The following GRID2 variants were observed in gnomAD, a reference collection of about 807,000 sequenced individuals.
GRID2 encodes the protein glutamate ionotropic receptor delta type subunit 2.
Under a neutral mutation model 114.8 loss-of-function variants are expected in GRID2, and 33 were observed. That is an observed-to-expected ratio of 0.29 (90% CI 0.22 to 0.38). The LOEUF is 0.38. Ranked by LOEUF, GRID2 falls within the 10% of genes least tolerant of loss-of-function variation. GRID2 has a pLI of 1.00. For synonymous variants in GRID2, 505 were observed against 449.9 expected, an observed-to-expected ratio of 1.12 and a Z score of -1.55; for missense variants, 1,184 against 1,257.7, an observed-to-expected ratio of 0.94 and a Z score of 0.89.
At chr4:92,779,341 C>T (rs1409638486) in intron 2 of GRID2, among the ~76,000 whole-genome samples, 1 of 151,834 alleles carries the variant, frequency 6.6e-6, no homozygotes, top group African/African-American at 2.4e-5. Flanking sequence ...CATTACTGTT[C>T]ATTTTCATAA....
At chr4:92,833,839 A>G (rs140184015) in intron 2 of GRID2, 5 of 152,334 alleles carry the variant, frequency 3.3e-5, no homozygotes, top group African/African-American at 1.2e-4. Flanking sequence ...TGAGCCTCCT[A>G]GAATCTTCCT....
chr4:93,239,589 C>T (rs1747243938), intron 8 of GRID2, among the ~76,000 whole-genome samples: 1 of 151,380 alleles, frequency 6.6e-6, no homozygotes, highest in African/African-American at 2.4e-5. Flanking sequence ...ATGAAACTAT[C>T]TTGATGCATT....
At chr4:93,167,565 C>A (rs1738373623) in intron 4 of GRID2, among the ~76,000 whole-genome samples, 1 of 151,970 alleles carries the variant, frequency 6.6e-6, no homozygotes, top group Non-Finnish European at 1.5e-5. Context: ...CCACCACCAC[C>A]AACAGAAAAT....
chr4:93,610,838 T>C (rs987944549), intron 13 of GRID2, among the ~76,000 whole-genome samples: 1 of 128,598 alleles, frequency 7.8e-6, no homozygotes, highest in South Asian at 2.7e-4. Flanking sequence ...TAAAATGAGT[T>C]AGGGAGGATT....
intron 1 of GRID2, among the ~76,000 whole-genome samples, chr4:92,477,056 T>C: frequency 1.1e-5 from 1 of 92,014 alleles, no homozygotes; most frequent in African/African-American, 4.0e-5. Flanking sequence ...TGTGTGTGTG[T>C]GTGTGTGTGT....
chr4:93,168,217 GAAGGA>G lies in GRID2; in HGVS notation c.736-39168_736-39164del, dbSNP rs758647914. ...ACTCTATCTCAAAAGAAAGAAAAGGGAAGGAAAGGAAAGGAAAGGAAAGAAAAGGA... is the reference window on the plus strand; with the variant it reads ...ACTCTATCTCAAAAGAAAGAAAAGGGAAGGAAAGGAAAGGAAAGAAAAGGA... On this transcript the variant is annotated intron_variant, in intron 4 of 15. Transcript: ENST00000282020. Among the ~76,000 whole-genome samples the G allele has an allele frequency of 4.2e-4, 63 of 150,626 alleles. No individual in the cohort carries two copies. In the East Asian group the frequency reaches 4.9e-3, roughly 12 times the overall value.
intron 2 of GRID2, among the ~76,000 whole-genome samples, chr4:92,824,184 T>G (rs1741505796): frequency 6.6e-6 from 1 of 152,198 alleles, no homozygotes; most frequent in Non-Finnish European, 1.5e-5. Context: ...CATTTTTGCC[T>G]GCTTAGGCTG....
intron 1 of GRID2, among the ~76,000 whole-genome samples, chr4:92,465,360 G>A (rs986915137): frequency 1.3e-5 from 2 of 151,894 alleles, no homozygotes; most frequent in Non-Finnish European, 2.9e-5. Flanking sequence ...GAATTCATTA[G>A]ACACTATTTG....
At chr4:92,794,235 T>C (rs1739741828) in intron 2 of GRID2, among the ~76,000 whole-genome samples, 1 of 151,742 alleles carries the variant, frequency 6.6e-6, no homozygotes, top group African/African-American at 2.4e-5. Flanking sequence ...CCCAAACTGG[T>C]GAGATTACAG....
At chr4:92,920,461 G>T (rs1006925277) in intron 2 of GRID2, among the ~76,000 whole-genome samples, 6 of 152,102 alleles carry the variant, frequency 3.9e-5, no homozygotes, top group African/African-American at 7.2e-5. Context: ...TTTACAATTT[G>T]GCATGTTTTT....
intron 2 of GRID2, among the ~76,000 whole-genome samples, chr4:92,788,646 A>G (rs953690572): frequency 6.6e-6 from 1 of 151,894 alleles, no homozygotes; most frequent in African/African-American, 2.4e-5. Context: ...TAACAATTAT[A>G]TAAAATTATG....
intron 1 of GRID2, among the ~76,000 whole-genome samples, chr4:92,471,537 C>G (rs994712490): frequency 6.6e-6 from 1 of 151,986 alleles, no homozygotes; most frequent in Non-Finnish European, 1.5e-5. Flanking sequence ...CTTTTTAACT[C>G]TAACTGTTAA....
At chr4:93,614,533 A>G (rs1741384980) in intron 13 of GRID2, among the ~76,000 whole-genome samples, 1 of 152,046 alleles carries the variant, frequency 6.6e-6, no homozygotes, top group Non-Finnish European at 1.5e-5. Context: ...TAAAAACATG[A>G]AATAGTCATT....
At chr4:93,341,245 C>T (rs1438447494) in intron 8 of GRID2, among the ~76,000 whole-genome samples, 2 of 152,076 alleles carry the variant, frequency 1.3e-5, no homozygotes, top group Non-Finnish European at 2.9e-5. Flanking sequence ...TGTAAAACAG[C>T]ATGTCTTCCA....
At chr4:92,610,816 C>T (rs1946736524) in intron 2 of GRID2, among the ~76,000 whole-genome samples, 2 of 151,638 alleles carry the variant, frequency 1.3e-5, no homozygotes, top group East Asian at 1.9e-4. Context: ...TTAGATAATA[C>T]AAAATCTTTT....
At chr4:93,063,388 T>A (rs1727978721) in intron 2 of GRID2, among the ~76,000 whole-genome samples, 1 of 151,846 alleles carries the variant, frequency 6.6e-6, no homozygotes, top group Non-Finnish European at 1.5e-5. Flanking sequence ...TTTATAACAA[T>A]CAAGTTTTAC....
chr4:92,470,488 A>C (rs116660386), intron 1 of GRID2, among the ~76,000 whole-genome samples: 1 of 151,980 alleles, frequency 6.6e-6, no homozygotes, highest in African/African-American at 2.4e-5. Flanking sequence ...TCTGAAAAAA[A>C]GAGGTAGAAT....
chr4:92,681,286 T>G (rs1733634849), intron 2 of GRID2, among the ~76,000 whole-genome samples: 1 of 152,086 alleles, frequency 6.6e-6, no homozygotes, highest in South Asian at 2.1e-4. Flanking sequence ...ATAAGGTGAT[T>G]TTTGAATTGA....
chr4:92,492,430 C>T (rs897138954), intron 1 of GRID2, among the ~76,000 whole-genome samples: 2 of 152,056 alleles, frequency 1.3e-5, no homozygotes, highest in African/African-American at 4.8e-5. Flanking sequence ...TGTAATCAGG[C>T]AATTGTATAG....
Sources: allele counts gnomAD v4.1 joint callset (sites outside exome capture counted in the v4.1 genomes callset), GRCh38; gene constraint gnomAD v4.1.1; transcripts MANE v1.5; gene names NCBI Gene and HGNC (gene_info 2026-07-23, HGNC 2026-07-21).